Variants in DSC1 observed in about 807,000 individuals in gnomAD.
DSC1 encodes desmocollin-1.
DSC1 carries 79 observed loss-of-function variants against 98.8 expected under a neutral mutation model. That is an observed-to-expected ratio of 0.80 (90% CI 0.67 to 0.96). DSC1 has a LOEUF of 0.96. Ranked by LOEUF, DSC1 falls within the 50% of genes least tolerant of loss-of-function variation. The pLI is 0.00. For synonymous variants in DSC1, 405 were observed against 372.1 expected (o/e 1.09, Z -1.02); for missense variants, 1,115 against 1,075.9 (o/e 1.04, Z -0.51).
chr18:31,130,976 T>C, intron 15 of DSC1: 1 of 835,678 alleles, frequency 1.2e-6, no homozygotes, highest in Non-Finnish European at 1.8e-6. Flanking sequence ...TAATTTCCCA[T>C]TTGAACACAA....
chr18:31,131,912 T>C, intron 14 of DSC1, 70 bp from the exon 15 acceptor site: 1 of 1,552,006 alleles, frequency 6.4e-7, no homozygotes. Context: ...TCATTTTTTT[T>C]CACCATAGGC....
At position 31,154,341 on chromosome 18, in the gene DSC1, G is replaced by A. The variant is rs556145139; in HGVS notation, c.627+433C>T. Among the ~76,000 whole-genome samples the A allele has an allele frequency of 6.6e-5, 10 of 150,624 alleles. No individual in the cohort carries two copies. The East Asian group carries it at 1.7e-3, about 26-fold the overall frequency. On this transcript the variant is annotated intron_variant, in intron 5 of 15. Transcript: ENST00000257198. The stretch of plus-strand genomic sequence containing the variant: ...CCAACACTTACACATTTAGAATCAC[G>A]TTGGATGACTGGATCTCATCCCAGA...
chr18:31,143,774 C>G lies in DSC1; in HGVS notation c.957G>C (p.Gln319His). The change falls in exon 8 of 16, where the codon CAG becomes CAC. Residue 319 changes from glutamine to histidine, a missense_variant. Coordinates refer to ENST00000257198, the MANE Select transcript of DSC1 (RefSeq NM_024421.2). ...FLDREKCDTYQLIMEVRDMGG... is the reference protein window; with the variant it reads ...FLDREKCDTYHLIMEVRDMGG... ...CCATGTCTCGCACTTCCATTATTAACTGGTAAGTATCACATTTCTGAAAAA... is the reference window on the plus strand; with the variant it reads ...CCATGTCTCGCACTTCCATTATTAAGTGGTAAGTATCACATTTCTGAAAAA... The G allele has an allele frequency of 1.9e-6, 3 of 1,594,964 alleles. No homozygotes were observed. Among genetic ancestry groups the G allele is most frequent in the Non-Finnish European group, 2.6e-6 (3 of 1,171,308 alleles).
In DSC1 at chr18:31,133,999, G is replaced by A. The variant is rs752773497; in HGVS notation, c.2008C>T (p.Pro670Ser). Residue 670 changes from proline (P) to serine (S), a missense_variant, in exon 13 of 16, where the codon CCA becomes TCA. Physicochemically the swap from Pro to Ser is moderately conservative, Grantham distance 74 (BLOSUM62 -1). Coordinates refer to ENST00000257198, the MANE Select transcript of DSC1 (RefSeq NM_024421.2). ...LTVRVCDCST[P>S]SECRMKDKST... Reference sequence around the variant, plus strand: ...TTATCCTTCATTCTACACTCAGATGGAGTTGAACAGTCACATACTCTCACT... The same window carrying A: ...TTATCCTTCATTCTACACTCAGATGAAGTTGAACAGTCACATACTCTCACT... The A allele has an allele frequency of 2.5e-6, 4 of 1,613,292 alleles. No individual in the cohort carries two copies. In the South Asian group the frequency reaches 4.4e-5, roughly 18 times the overall value.
chr18:31,140,844 A>C (rs1217076522), intron 9 of DSC1, among the ~76,000 whole-genome samples: 1 of 152,174 alleles, frequency 6.6e-6, no homozygotes, highest in Admixed American at 6.5e-5. Flanking sequence ...CCCACATCTC[A>C]ACTTGATTTG....
Position 31,131,804 on chromosome 18 carries a change from A to G in DSC1, c.2277T>C (p.Ile759=). 1.2e-6 allele frequency: 2 copies of G among 1,614,088 alleles called. No homozygotes were observed. Among genetic ancestry groups the G allele is most frequent in the Middle Eastern group, 1.7e-4 (1 of 6,060 alleles). Residue 759 remains isoleucine, a synonymous_variant, in exon 15 of 16, where the codon ATT becomes ATC. Coordinates refer to ENST00000257198, the MANE Select transcript of DSC1 (RefSeq NM_024421.2). ...TACCAACAGACATGCTTGTGTCACA[A>G]ATGTTGGATGTCTGCATGGGGAGTC... ...NIRLPMQTSN[I]CDTSMSVGTV... is the part of the protein sequence containing the mutation.
intron 6 of DSC1, among the ~76,000 whole-genome samples, chr18:31,147,918 A>C (rs1988880129): frequency 6.6e-6 from 1 of 152,160 alleles, no homozygotes; most frequent in Middle Eastern, 3.2e-3. Context: ...TTTTTCCTAC[A>C]TTTAGGCTTC....
chr18:31,138,572 A>T (rs954089856), intron 11 of DSC1, among the ~76,000 whole-genome samples: 1 of 151,842 alleles, frequency 6.6e-6, no homozygotes, highest in Admixed American at 6.6e-5. Context: ...CATAGAAAAA[A>T]GTAGGGGTAT....
intron 2 of DSC1, 66 bp downstream of exon 2, chr18:31,159,379 T>C (rs949408330): frequency 1.3e-6 from 2 of 1,546,864 alleles, no homozygotes; most frequent in Non-Finnish European, 1.8e-6. Context: ...TCCCAAACTT[T>C]ACAAGAGCAG....
At chr18:31,130,733 T>G (rs987169867) in intron 15 of DSC1, 22 bp from the exon 16 acceptor site, 5 of 1,612,434 alleles carry the variant, frequency 3.1e-6, no homozygotes, top group Admixed American at 1.7e-5. Flanking sequence ...AAGAGCACAT[T>G]TTATTATTTT....
At position 31,129,440 on chromosome 18, in the gene DSC1, A is replaced by T. The variant is rs906132813; in HGVS notation, c.*1074T>A. The T allele has an allele frequency of 3.9e-5, 6 of 152,130 alleles. No homozygotes were observed. Among genetic ancestry groups the T allele is most frequent in the African/African-American group, 1.4e-4 (6 of 41,522 alleles). 9.4% of individuals were successfully genotyped at this position (152,130 alleles called of 1,614,324 possible). ...AGTAGAGTGGGGGTTTCTCATATAC[A>T]TTCTAGTCCCTAATTCTGACTGCCC... On this transcript the variant is annotated 3_prime_UTR_variant, in exon 16 of 16. Coordinates refer to ENST00000257198, the MANE Select transcript of DSC1 (RefSeq NM_024421.2).
chr18:31,154,636 A>G (rs1225122363), intron 5 of DSC1, 138 bp downstream of exon 5: 1 of 807,860 alleles, frequency 1.2e-6, no homozygotes, highest in African/African-American at 1.8e-5. Flanking sequence ...ATAGAAATTT[A>G]AAGTTTATAT....
At chr18:31,157,647 G>GT in intron 2 of DSC1, 74 bp from the exon 3 acceptor site, 1 of 1,510,208 alleles carries the variant, frequency 6.6e-7, no homozygotes, top group Non-Finnish European at 9.2e-7. Context: ...AATGACAGCC[G>GT]TGAGTTAATG....
At chr18:31,159,770 A>G (rs1989176848) in intron 1 of DSC1, among the ~76,000 whole-genome samples, 1 of 152,230 alleles carries the variant, frequency 6.6e-6, no homozygotes, top group Non-Finnish European at 1.5e-5. Flanking sequence ...AACCTAAATC[A>G]TATTGTGTCA....
chr18:31,157,709 T>A lies in DSC1; in HGVS notation c.149-136A>T, dbSNP rs906948511. 9.6e-6 allele frequency: 8 copies of A among 829,740 alleles called. No individual in the cohort carries two copies. In the African/African-American group the frequency reaches 1.4e-4, roughly 14 times the overall value. 51.4% of individuals were successfully genotyped at this position (829,740 alleles called of 1,614,324 possible). A position where few individuals can be genotyped will look rare whatever the true frequency, so the allele number is the denominator to read the frequency against. On this transcript the variant is annotated intron_variant, in intron 2 of 15. Transcript: ENST00000257198. Reference sequence around the variant, plus strand: ...CATTTGGAATGTGCTCAGCACCTGCTATTCTAAAACGTGGGGGCCATGAAA... The same window carrying A: ...CATTTGGAATGTGCTCAGCACCTGCAATTCTAAAACGTGGGGGCCATGAAA...
chr18:31,141,076 G>T (rs1378414948), intron 9 of DSC1, among the ~76,000 whole-genome samples: 1 of 152,088 alleles, frequency 6.6e-6, no homozygotes, highest in Non-Finnish European at 1.5e-5. Flanking sequence ...GGCCTCCCTA[G>T]CCATGTGAAA....
At chr18:31,160,751 A>C (rs16961379) in intron 1 of DSC1, among the ~76,000 whole-genome samples, 5,837 of 152,246 alleles carry the variant, frequency 0.038, 372 homozygotes, top group African/African-American at 0.14. Context: ...CCATACTGTT[A>C]ATAGTTGTCT....
intron 5 of DSC1, among the ~76,000 whole-genome samples, chr18:31,154,362 C>T (rs1033578427): frequency 6.6e-6 from 1 of 151,416 alleles, no homozygotes; most frequent in African/African-American, 2.4e-5. Context: ...GGATCTCATC[C>T]CAGAACAATT....
intron 11 of DSC1, among the ~76,000 whole-genome samples, chr18:31,138,680 T>TA (rs1209935918): frequency 3.9e-5 from 6 of 152,028 alleles, no homozygotes; most frequent in African/African-American, 1.4e-4. Flanking sequence ...CAACTTATAT[T>TA]AATTACCATG....
Sources: gnomAD v4.1 joint callset for allele counts (sites outside exome capture counted in the v4.1 genomes callset) on GRCh38, gnomAD v4.1.1 for gene constraint, MANE v1.5 for transcripts, NCBI Gene and HGNC (gene_info 2026-07-23, HGNC 2026-07-21) for gene names.